ZFP41: variants seen among roughly 807,000 people sequenced by gnomAD.
The protein encoded by ZFP41 is zinc finger protein 41 homolog.
In ZFP41, 10 loss-of-function variants were observed where a neutral mutation model predicts 11.6. The observed-to-expected ratio is 0.86, with a 90% confidence interval of 0.53 to 1.47. ZFP41 has a LOEUF of 1.47. Among genes scored for constraint, ZFP41 ranks in the 40% most tolerant of loss-of-function variants. The pLI, the probability that ZFP41 is intolerant of heterozygous loss-of-function variation, is 0.00. For synonymous variants in ZFP41, 123 were observed against 100.9 expected, an observed-to-expected ratio of 1.22 and a Z score of -1.31; for missense variants, 302 against 264.6, an observed-to-expected ratio of 1.14 and a Z score of -0.98.
intron 2 of ZFP41, among the ~76,000 whole-genome samples, chr8:143,256,647 G>T (rs184193600): frequency 1.0e-3 from 159 of 152,352 alleles, no homozygotes; most frequent in Middle Eastern, 6.8e-3. Flanking sequence ...GAAGGCCGAG[G>T]CAGGAGGATC....
chr8:143,251,466 T>G (rs1432525668), intron 2 of ZFP41, 126 bp downstream of exon 2: 1 of 152,402 alleles, frequency 6.6e-6, no homozygotes, highest in African/African-American at 2.4e-5. Context: ...CTAGGGACTG[T>G]GGTTTATAAG....
At chr8:143,247,438 G>C (rs756721100) in intron 1 of ZFP41, 9 of 152,342 alleles carry the variant, frequency 5.9e-5, no homozygotes, top group Non-Finnish European at 1.2e-4. Context: ...GCAGGCCGTG[G>C]ACCCAGCAGG....
intron 2 of ZFP41, among the ~76,000 whole-genome samples, chr8:143,259,228 A>G (rs1264440595): frequency 1.3e-5 from 2 of 152,240 alleles, no homozygotes; most frequent in Non-Finnish European, 2.9e-5. Context: ...AGAGAATGTA[A>G]GGCACAGAAG....
chr8:143,247,928 C>G (rs997193367), intron 1 of ZFP41, among the ~76,000 whole-genome samples: 1 of 152,096 alleles, frequency 6.6e-6, no homozygotes, highest in Non-Finnish European at 1.5e-5. Context: ...CAGGCAATTC[C>G]CCTCCCTCAG....
At chr8:143,247,284 C>T (rs937828433) in intron 1 of ZFP41, 142 bp downstream of exon 1, 1 of 152,304 alleles carries the variant, frequency 6.6e-6, no homozygotes, top group Non-Finnish European at 1.5e-5. Flanking sequence ...GCCCCGAGGC[C>T]GACCTAGCTC....
In ZFP41 at chr8:143,250,230, C is replaced by A; in HGVS notation, c.387C>A (p.Asp129Glu). The A allele has an allele frequency of 1.9e-6, 3 of 1,614,070 alleles. No individual in the cohort carries two copies. The highest frequency in any genetic ancestry group is 8.5e-7 in the Non-Finnish European group (1 of 1,180,042). Residue 129 changes from aspartate (D) to glutamate (E), a missense_variant, in exon 2 of 3, where the codon GAC becomes GAA. Physicochemically the swap from Asp to Glu is conservative, Grantham distance 45 (BLOSUM62 2). Transcript: ENST00000330701. ...QCGKAFRHSS[D>E]VTKHQRTHTG... ...GGAAGGCCTTCCGGCACAGCTCTGACGTCACCAAACACCAGAGGACTCACA... is the reference window on the plus strand; with the variant it reads ...GGAAGGCCTTCCGGCACAGCTCTGAAGTCACCAAACACCAGAGGACTCACA...
chr8:143,257,690 G>C (rs1814943596), intron 2 of ZFP41, among the ~76,000 whole-genome samples: 1 of 152,228 alleles, frequency 6.6e-6, no homozygotes, highest in Non-Finnish European at 1.5e-5. Context: ...AGACAGTTCA[G>C]CCACATCCGA....
In ZFP41 at chr8:143,262,152, C is replaced by A. The variant is rs549070936; in HGVS notation, c.*3278C>A. ...CTGCACCTCCCACGCCCGTCTTGCC[C>A]TGGGGCCCAGGTGCAGGTCTGTGAG... On this transcript the variant is annotated 3_prime_UTR_variant, in exon 3 of 3. Transcript: ENST00000330701. The A allele has an allele frequency of 6.4e-5, 11 of 171,402 alleles. No homozygotes were observed. The highest frequency in any genetic ancestry group is 2.4e-4 in the African/African-American group (10 of 41,690). The allele number at this position is 171,402 out of a possible 1,614,324, so 10.6% of individuals were successfully genotyped here. A position where few individuals can be genotyped will look rare whatever the true frequency, so the allele number is the denominator to read the frequency against.
chr8:143,250,627 A>T lies in ZFP41; in HGVS notation c.*187A>T. On this transcript the variant is annotated 3_prime_UTR_variant, in exon 2 of 3. Coordinates refer to ENST00000330701, the MANE Select transcript of ZFP41 (RefSeq NM_173832.6). ...GTGCCAGCGAGGGAGAGACCTTTCCACTGCAGAGAGTCTCTCTGATCAAGA... is the reference window on the plus strand; with the variant it reads ...GTGCCAGCGAGGGAGAGACCTTTCCTCTGCAGAGAGTCTCTCTGATCAAGA... 1 of 897,020 alleles carries T rather than the reference A, an allele frequency of 1.1e-6. No homozygotes were observed. The highest frequency in any genetic ancestry group is 1.8e-5 in the South Asian group (1 of 55,206). 55.6% of individuals were successfully genotyped at this position (897,020 alleles called of 1,614,324 possible).
At chr8:143,256,243 G>A (rs1479778753) in intron 2 of ZFP41, among the ~76,000 whole-genome samples, 1 of 99,892 alleles carries the variant, frequency 1.0e-5, no homozygotes, top group African/African-American at 4.3e-5. Context: ...GGCTCGCCCC[G>A]CGTGCTGGTG....
Position 143,249,792 on chromosome 8 carries a change from C to T in ZFP41, c.-52C>T. 5 of 1,520,460 alleles carry T rather than the reference C, an allele frequency of 3.3e-6. No individual in the cohort carries two copies. The highest frequency in any genetic ancestry group is 4.4e-6 in the Non-Finnish European group (5 of 1,139,292). 94.2% of individuals were successfully genotyped at this position (1,520,460 alleles called of 1,614,324 possible). A position where few individuals can be genotyped will look rare whatever the true frequency, so the allele number is the denominator to read the frequency against. The stretch of plus-strand genomic sequence containing the variant: ...AAGCAAGCCATTGAGGAAGTGGGGC[C>T]AACAGAGAGGTCAGCAGCCCCTTAG... On this transcript the variant is annotated 5_prime_UTR_variant, in exon 2 of 3. Coordinates refer to ENST00000330701, the MANE Select transcript of ZFP41 (RefSeq NM_173832.6).
chr8:143,251,223 C>A lies in ZFP41; in HGVS notation c.*783C>A. 6.0e-6 allele frequency: 1 copy of A among 167,418 alleles called. No individual in the cohort carries two copies. The allele number at this position is 167,418 out of a possible 1,614,324, so 10.4% of individuals were successfully genotyped here. A position where few individuals can be genotyped will look rare whatever the true frequency, so the allele number is the denominator to read the frequency against. On this transcript the variant is annotated 3_prime_UTR_variant, in exon 2 of 3. Transcript: ENST00000330701. ...CCACCACCTGCTGAGCTTCCCGTCC[C>A]AGCCATGCAGTGGGGCCCCTGGGGT...
intron 1 of ZFP41, 97 bp from the exon 2 acceptor site, chr8:143,249,593 T>G: frequency 2.1e-6 from 1 of 467,558 alleles, no homozygotes; most frequent in Non-Finnish European, 3.7e-6. Context: ...GAGACACTCT[T>G]GGGGGAACAC....
chr8:143,254,047 G>A (rs932958310), intron 2 of ZFP41, among the ~76,000 whole-genome samples: 3 of 152,300 alleles, frequency 2.0e-5, no homozygotes, highest in Non-Finnish European at 4.4e-5. Flanking sequence ...GACAGGAGGC[G>A]GAGCTTAGGC....
intron 2 of ZFP41, among the ~76,000 whole-genome samples, chr8:143,257,693 A>C (rs1814943653): frequency 6.6e-6 from 1 of 152,266 alleles, no homozygotes; most frequent in Non-Finnish European, 1.5e-5. Flanking sequence ...CAGTTCAGCC[A>C]CATCCGATGC....
At chr8:143,249,295 C>T (rs1816748785) in intron 1 of ZFP41, 1 of 153,362 alleles carries the variant, frequency 6.5e-6, no homozygotes, top group South Asian at 2.0e-4. Context: ...GCACTCTCCA[C>T]TGGGCACGTG....
At chr8:143,251,666 T>C (rs4495442) in intron 2 of ZFP41, among the ~76,000 whole-genome samples, 118,008 of 152,250 alleles carry the variant, frequency 0.78, 45,863 homozygotes, top group South Asian at 0.85. Context: ...GTCTCAGAAA[T>C]GGACTAGGGT....
Position 143,250,339 on chromosome 8 carries a change from A to G in ZFP41, c.496A>G (p.Thr166Ala), listed in dbSNP as rs2130706228. 2 of 1,613,996 alleles carry G rather than the reference A, an allele frequency of 1.2e-6. No individual in the cohort carries two copies. The highest frequency in any genetic ancestry group is 1.7e-5 in the Admixed American group (1 of 60,024). The change falls in exon 2 of 3, where the codon ACC becomes GCC. Residue 166 changes from threonine (T) to alanine (A), a missense_variant. Thr to Ala is a moderately conservative substitution (Grantham distance 58, BLOSUM62 0). Coordinates refer to ENST00000330701, the MANE Select transcript of ZFP41 (RefSeq NM_173832.6). ...TCTCCTGAAACATCAGAAGACGCAC[A>G]CCGGGGAGAAGCCCTACGAATGCAC... ...SNLLKHQKTHTGEKPYECTHC... is the reference protein window; with the variant it reads ...SNLLKHQKTHAGEKPYECTHC...
chr8:143,259,926 G>A lies in ZFP41; in HGVS notation c.*1052G>A, dbSNP rs958909369. 2 of 152,448 alleles carry A rather than the reference G, an allele frequency of 1.3e-5. No individual in the cohort carries two copies. The allele number at this position is 152,448 out of a possible 1,614,324, so 9.4% of individuals were successfully genotyped here. On this transcript the variant is annotated 3_prime_UTR_variant, in exon 3 of 3. Coordinates refer to ENST00000330701, the MANE Select transcript of ZFP41 (RefSeq NM_173832.6). ...GAGAAGAAAAGCGCTGGAAAGAGAA[G>A]AAAAGGAACCTCCTTCTGTGCAGCA...
Sources: gnomAD v4.1 joint callset for allele counts (sites outside exome capture counted in the v4.1 genomes callset) on GRCh38, gnomAD v4.1.1 for gene constraint, MANE v1.5 for transcripts, NCBI Gene and HGNC (gene_info 2026-07-23, HGNC 2026-07-21) for gene names.